Variants in ULK4 observed in about 807,000 individuals in gnomAD.
ULK4 encodes the protein unc-51 like kinase 4, also known as inactive serine/threonine-protein kinase ULK4.
In ULK4, 133 loss-of-function variants were observed where a neutral mutation model predicts 160.6. The observed-to-expected ratio is 0.83, with a 90% CI of 0.72 to 0.96. The LOEUF is 0.96. Among genes scored for constraint, ULK4 ranks in the 40% least tolerant of loss-of-function variants. The pLI, the probability that ULK4 is intolerant of heterozygous loss-of-function variation, is 0.00. For missense variants in ULK4, 1,580 were observed against 1,499.5 expected (o/e 1.05, Z -0.89); for synonymous variants, 534 against 539.8 (o/e 0.99, Z 0.15).
intron 30 of ULK4, among the ~76,000 whole-genome samples, chr3:41,657,834 A>AAAAAAAAAAAAAAAC (rs1553628520): frequency 4.7e-5 from 7 of 150,068 alleles, no homozygotes; most frequent in African/African-American, 1.2e-4. Flanking sequence ...AAAAAAAAAA[A>AAAAAAAAAAAAAAAC]ACACACACCA....
intron 11 of ULK4, 68 bp from the exon 12 acceptor site, chr3:41,908,009 G>C: frequency 1.7e-6 from 2 of 1,167,246 alleles, no homozygotes; most frequent in Non-Finnish European, 2.4e-6. Flanking sequence ...CTGTTTTCTG[G>C]AAGAAAACAA....
chr3:41,386,936 C>A (rs560598083), intron 35 of ULK4, among the ~76,000 whole-genome samples: 18 of 152,160 alleles, frequency 1.2e-4, no homozygotes, highest in East Asian at 3.9e-4. Flanking sequence ...ATCATTTTAT[C>A]AATACTAATA....
In ULK4 at chr3:41,376,018, T is replaced by G. The variant is rs2081482028; in HGVS notation, c.3678+22061A>C. ...CAAACGAAGACATTTATGGGGCCAATAAACATATAAAAAAAGCTCATCATC... is the reference window on the plus strand; with the variant it reads ...CAAACGAAGACATTTATGGGGCCAAGAAACATATAAAAAAAGCTCATCATC... On this transcript the variant is annotated intron_variant, in intron 35 of 36. Transcript: ENST00000301831. Among the ~76,000 whole-genome samples the G allele has an allele frequency of 2.0e-5, 3 of 150,066 alleles. 1 individual carries two copies. The South Asian group carries it at 6.5e-4, about 33-fold the overall frequency.
At chr3:41,342,757 C>T (rs991288691) in intron 35 of ULK4, among the ~76,000 whole-genome samples, 34 of 152,078 alleles carry the variant, frequency 2.2e-4, no homozygotes, top group African/African-American at 8.0e-4. Context: ...CGATGAACAC[C>T]GATGTAAAAA....
chr3:41,919,909 G>A, intron 5 of ULK4, 91 bp from the exon 6 acceptor site: 1 of 691,164 alleles, frequency 1.4e-6, no homozygotes, highest in South Asian at 2.5e-5. Context: ...AGATGAAAAA[G>A]GGCAGGAGAA....
At chr3:41,408,888 A>G (rs534150745) in intron 34 of ULK4, among the ~76,000 whole-genome samples, 1 of 152,314 alleles carries the variant, frequency 6.6e-6, no homozygotes, top group South Asian at 2.1e-4. Flanking sequence ...TGGTGCTGAG[A>G]CAACTGGACA....
At chr3:41,554,886 C>A (rs865835520) in intron 32 of ULK4, among the ~76,000 whole-genome samples, 17 of 152,074 alleles carry the variant, frequency 1.1e-4, no homozygotes, top group Middle Eastern at 6.8e-3. Flanking sequence ...ACCCTTTTCA[C>A]CATAAAAATA....
chr3:41,642,406 T>G (rs2125719254), intron 30 of ULK4, among the ~76,000 whole-genome samples: 1 of 152,272 alleles, frequency 6.6e-6, no homozygotes, highest in East Asian at 1.9e-4. Context: ...GTTCTCATTG[T>G]TCAATTCCCA....
In ULK4 at chr3:41,681,785, GGC is replaced by G; in HGVS notation, c.2799_2800del (p.Pro934ThrfsTer17). 1.2e-6 allele frequency: 2 copies of G among 1,614,024 alleles called. No homozygotes were observed. Among genetic ancestry groups the G allele is most frequent in the Non-Finnish European group, 1.7e-6 (2 of 1,179,956 alleles). ...GCTTTGAACCAAGGACACCAAGGGTGGCAGTATATAGTCAACAACCTAAAAGA... is the reference window on the plus strand; with the variant it reads ...GCTTTGAACCAAGGACACCAAGGGTGAGTATATAGTCAACAACCTAAAAGA... On this transcript the variant is annotated frameshift_variant, in exon 28 of 37. Coordinates refer to ENST00000301831, the MANE Select transcript of ULK4 (RefSeq NM_017886.4). LOFTEE classifies it high-confidence loss of function.
At position 41,835,880 on chromosome 3, in the gene ULK4, T is replaced by C. The variant is rs199504458; in HGVS notation, c.1748A>G (p.Tyr583Cys). 3.7e-5 allele frequency: 60 copies of C among 1,611,198 alleles called. No homozygotes were observed. Among genetic ancestry groups the C allele is most frequent in the Middle Eastern group, 3.3e-4 (2 of 6,064 alleles). ...CAGTCTCACCTGGGTGGCTACAAGA[T>C]AGATCAGCTCCCCAAGGGTTGGTAA... Reference protein sequence around the residue: ...CLLPTLGELIYLVATQEEKKK... With the variant: ...CLLPTLGELICLVATQEEKKK... Residue 583 changes from tyrosine (Y) to cysteine (C), a missense_variant, in exon 18 of 37, where the codon TAT (tyrosine) becomes TGT (cysteine). By Grantham distance (194) the Tyr-to-Cys change is radical (BLOSUM62 -2). Coordinates refer to ENST00000301831, the MANE Select transcript of ULK4 (RefSeq NM_017886.4).
chr3:41,838,949 C>A (rs2041834654), intron 17 of ULK4, among the ~76,000 whole-genome samples: 2 of 152,118 alleles, frequency 1.3e-5, no homozygotes, highest in South Asian at 4.1e-4. Flanking sequence ...AGATGTTGAT[C>A]AAAGGGTACA....
intron 30 of ULK4, 111 bp from the exon 31 acceptor site, chr3:41,615,828 TAAG>T: frequency 1.1e-6 from 1 of 908,222 alleles, no homozygotes; most frequent in South Asian, 1.8e-5. Context: ...AATTCCATGA[TAAG>T]AAATAGTATG....
intron 34 of ULK4, among the ~76,000 whole-genome samples, chr3:41,422,769 A>G (rs1047621643): frequency 1.3e-5 from 2 of 152,198 alleles, no homozygotes; most frequent in African/African-American, 4.8e-5. Context: ...TCTTTTGAGA[A>G]GTTATATGGT....
rs1322774949 is a variant in ULK4 at position 41,682,356 on chromosome 3, C to CT, written c.2782-553_2782-552insA. ...AATCAAATATGGTTTAAAACTTAAC[C>CT]CCAAAAAACAAGTATTTTCCTCCAA... On this transcript the variant is annotated intron_variant, in intron 27 of 36. Coordinates refer to ENST00000301831, the MANE Select transcript of ULK4 (RefSeq NM_017886.4). Among the ~76,000 whole-genome samples, 3 of 151,634 alleles carry CT rather than the reference C, an allele frequency of 2.0e-5. 1 individual carries two copies. The highest frequency in any genetic ancestry group is 7.3e-5 in the African/African-American group (3 of 41,022).
At chr3:41,488,435 C>A (rs2084624540) in intron 32 of ULK4, among the ~76,000 whole-genome samples, 1 of 152,214 alleles carries the variant, frequency 6.6e-6, no homozygotes, top group Admixed American at 6.5e-5. Context: ...AAGCTCTACA[C>A]ACACACATAA....
rs141813148 is a variant in ULK4, at chr3:41,685,916, T to A, written c.2782-4112A>T. Among the ~76,000 whole-genome samples, 15 of 152,296 alleles carry A rather than the reference T, an allele frequency of 9.8e-5. No homozygotes were observed. In the East Asian group the frequency reaches 2.7e-3, roughly 27 times the overall value. On this transcript the variant is annotated intron_variant, in intron 27 of 36. Transcript: ENST00000301831. ...AGGACCATGGTCAGTAACATTTATA[T>A]GTACCTACAACAACCAATTGAATAA...
intron 35 of ULK4, among the ~76,000 whole-genome samples, chr3:41,310,928 G>A (rs1255910607): frequency 6.6e-6 from 1 of 152,014 alleles, no homozygotes; most frequent in Non-Finnish European, 1.5e-5. Context: ...GGGAAGTTGA[G>A]GCTGCAGTGA....
intron 30 of ULK4, among the ~76,000 whole-genome samples, chr3:41,625,797 AGAAGT>A (rs1423021388): frequency 3.3e-5 from 5 of 152,246 alleles, no homozygotes; most frequent in African/African-American, 1.2e-4. Flanking sequence ...CTGAAGGACA[AGAAGT>A]GAAGAGATTT....
At chr3:41,729,893 C>G (rs1234751381) in intron 22 of ULK4, among the ~76,000 whole-genome samples, 7 of 152,174 alleles carry the variant, frequency 4.6e-5, no homozygotes, top group Non-Finnish European at 7.3e-5. Context: ...ACACCAAAGC[C>G]AACAAACCCA....
Sources: gnomAD v4.1 joint callset for allele counts (sites outside exome capture counted in the v4.1 genomes callset) on GRCh38, gnomAD v4.1.1 for gene constraint, MANE v1.5 for transcripts, NCBI Gene and HGNC (gene_info 2026-07-23, HGNC 2026-07-21) for gene names.